Variants in LAMA2 observed in about 807,000 individuals in gnomAD.
The protein encoded by LAMA2 is laminin subunit alpha 2.
In LAMA2, 269 loss-of-function variants were observed where a neutral mutation model predicts 364.8. That is an observed-to-expected ratio of 0.74 (90% CI 0.67 to 0.82). The LOEUF is 0.82. Among genes scored for constraint, LAMA2 ranks in the 40% least tolerant of loss-of-function variants. The pLI, the probability that LAMA2 is intolerant of heterozygous loss-of-function variation, is 0.00. For missense variants in LAMA2, 3,807 were observed against 3,873.2 expected, an observed-to-expected ratio of 0.98 and a Z score of 0.45; for synonymous variants, 1,379 against 1,370.6, an observed-to-expected ratio of 1.01 and a Z score of -0.14.
chr6:129,083,548 A>G (rs1015438094), intron 3 of LAMA2, among the ~76,000 whole-genome samples: 4 of 152,258 alleles, frequency 2.6e-5, no homozygotes, highest in Admixed American at 2.6e-4. Context: ...CAAACAAACA[A>G]AAAACAACAC....
intron 55 of LAMA2, among the ~76,000 whole-genome samples, chr6:129,483,267 C>T (rs1425358670): frequency 2.0e-5 from 3 of 150,528 alleles, no homozygotes; most frequent in African/African-American, 7.3e-5. Flanking sequence ...AAAAAAAAGA[C>T]ATTATAAACA....
chr6:129,442,489 T>C (rs1000817433), intron 43 of LAMA2, among the ~76,000 whole-genome samples: 26 of 152,246 alleles, frequency 1.7e-4, no homozygotes, highest in African/African-American at 5.8e-4. Context: ...CAAATATTAC[T>C]ATCTCTGCTG....
At chr6:128,971,817 A>G (rs1782205809) in intron 1 of LAMA2, among the ~76,000 whole-genome samples, 1 of 152,190 alleles carries the variant, frequency 6.6e-6, no homozygotes, top group Admixed American at 6.5e-5. Context: ...TTTACCCCTC[A>G]TATCTGTCAG....
chr6:129,452,732 C>T (rs1388875922), intron 45 of LAMA2, among the ~76,000 whole-genome samples: 1 of 152,104 alleles, frequency 6.6e-6, no homozygotes, highest in Non-Finnish European at 1.5e-5. Flanking sequence ...TTGTTAGTTG[C>T]ATGCTTCAAA....
intron 1 of LAMA2, among the ~76,000 whole-genome samples, chr6:128,990,884 T>C (rs1783567692): frequency 6.6e-6 from 1 of 152,134 alleles, no homozygotes; most frequent in Non-Finnish European, 1.5e-5. Flanking sequence ...AGAGGATATT[T>C]TAATCAGCAC....
chr6:128,938,322 C>G (rs1457765811), intron 1 of LAMA2, among the ~76,000 whole-genome samples: 1 of 152,096 alleles, frequency 6.6e-6, no homozygotes, highest in Admixed American at 6.6e-5. Context: ...TCACAGCATA[C>G]AGTATTTATT....
chr6:129,149,091 G>T lies in LAMA2; in HGVS notation c.1022G>T (p.Cys341Phe), dbSNP rs754920448. The T allele has an allele frequency of 1.1e-5, 18 of 1,569,942 alleles. No individual in the cohort carries two copies. Among genetic ancestry groups the T allele is most frequent in the Non-Finnish European group, 1.5e-5 (17 of 1,140,024 alleles). ...GGAACTTTTCTAACTAAAACTGAAT[G>T]TGAAGGTATGTTCTTTAGAAGCCAA... is the stretch of plus-strand genomic sequence containing the variant. Reference protein sequence around the residue: ...RAGTFLTKTECEACNCHGKAE... With the variant: ...RAGTFLTKTEFEACNCHGKAE... The change falls in exon 7 of 65, where the codon TGT becomes TTT. Residue 341 changes from cysteine (C) to phenylalanine (F), a missense_variant. By Grantham distance (205) the Cys-to-Phe change is radical. Around this residue, in one of 3 missense-constraint regions of LAMA2, gnomAD observed 80 missense variants for 124.0 expected, o/e 0.65. Transcript: ENST00000421865.
chr6:129,155,818 T>G (rs1779078995), intron 8 of LAMA2, among the ~76,000 whole-genome samples: 2 of 151,628 alleles, frequency 1.3e-5, no homozygotes, highest in South Asian at 4.2e-4. Context: ...AACTTTATTT[T>G]TTATTTTCAA....
chr6:129,473,420 T>C (rs1783913676), intron 52 of LAMA2, 68 bp downstream of exon 52: 1 of 1,460,542 alleles, frequency 6.8e-7, no homozygotes, highest in African/African-American at 1.4e-5. Flanking sequence ...TCACTAGAGT[T>C]CTGAAGTTTA....
chr6:129,388,857 A>G (rs2114666906), intron 35 of LAMA2, among the ~76,000 whole-genome samples: 1 of 152,296 alleles, frequency 6.6e-6, no homozygotes, highest in Non-Finnish European at 1.5e-5. Context: ...GATAGCATGC[A>G]CTCAGACTAA....
rs558591363 is a variant in LAMA2 at position 129,081,653 on chromosome 6, G to A, written c.397-16520G>A. On this transcript the variant is annotated intron_variant, in intron 3 of 64. Transcript: ENST00000421865. ...CATTTTGTCAAAATCATTTCCAGAA[G>A]TTTAAGTCCTTTTTTCTTCATTTTT... 3.6e-4 allele frequency among the ~76,000 whole-genome samples: 55 copies of A among 152,220 alleles called. 1 individual carries two copies. The South Asian group carries it at 0.011, about 31-fold the overall frequency.
At chr6:128,961,921 ACTCTAGC>A (rs768965761) in intron 1 of LAMA2, among the ~76,000 whole-genome samples, 1 of 151,308 alleles carries the variant, frequency 6.6e-6, no homozygotes, top group Non-Finnish European at 1.5e-5. Context: ...CTCAACACTT[ACTCTAGC>A]CTTGTAAATT....
intron 1 of LAMA2, among the ~76,000 whole-genome samples, chr6:128,951,056 T>C (rs1447455096): frequency 3.3e-5 from 5 of 152,092 alleles, no homozygotes; most frequent in Non-Finnish European, 7.4e-5. Context: ...TCACATAATA[T>C]TTGAGAGTCA....
At chr6:129,486,717 T>C in intron 56 of LAMA2, 95 bp downstream of exon 56, 1 of 1,168,564 alleles carries the variant, frequency 8.6e-7, no homozygotes, top group Non-Finnish European at 1.3e-6. Context: ...CCTCTGTGTG[T>C]GTGGACCTAC....
chr6:129,278,515 T>TA (rs1788482785), intron 17 of LAMA2, among the ~76,000 whole-genome samples: 1 of 152,182 alleles, frequency 6.6e-6, no homozygotes, highest in Non-Finnish European at 1.5e-5. Flanking sequence ...CCTTTTTTTT[T>TA]ATTTTATTTT....
chr6:128,988,143 G>C (rs998851319), intron 1 of LAMA2, among the ~76,000 whole-genome samples: 1 of 152,170 alleles, frequency 6.6e-6, no homozygotes, highest in Non-Finnish European at 1.5e-5. Context: ...TGGGATTATA[G>C]GCATGAACCA....
intron 1 of LAMA2, among the ~76,000 whole-genome samples, chr6:128,978,718 G>T (rs969879021): frequency 6.6e-6 from 1 of 152,164 alleles, no homozygotes; most frequent in African/African-American, 2.4e-5. Flanking sequence ...CTTGAGAAAA[G>T]ATAAGAAACA....
Position 129,297,707 on chromosome 6 carries a change from C to T in LAMA2, c.2879C>T (p.Ser960Leu), listed in dbSNP as rs1773276850. 6.2e-7 allele frequency: 1 copy of T among 1,613,958 alleles called. No homozygotes were observed. The highest frequency in any genetic ancestry group is 8.5e-7 in the Non-Finnish European group (1 of 1,179,968). Reference protein sequence around the residue: ...KCKAGTFGLQSARGCVPCNCN... With the variant: ...KCKAGTFGLQLARGCVPCNCN... ...CAGGCTGGGACCTTTGGCCTACAAT[C>T]AGCAAGGGGCTGTGTTCCCTGCAAC... Residue 960 changes from serine to leucine, a missense_variant, in exon 21 of 65, where the codon TCA becomes TTA. By Grantham distance (145) the Ser-to-Leu change is moderately radical. Around this residue, in one of 3 missense-constraint regions of LAMA2, gnomAD observed 3,333 missense variants for 3,345.7 expected, o/e 1.00. Transcript: ENST00000421865.
At chr6:129,106,233 A>C (rs1775815373) in intron 4 of LAMA2, among the ~76,000 whole-genome samples, 1 of 151,938 alleles carries the variant, frequency 6.6e-6, no homozygotes, top group Non-Finnish European at 1.5e-5. Context: ...ATATATACAG[A>C]CAGAATATTT....
Sources: gnomAD v4.1 joint callset for allele counts (sites outside exome capture counted in the v4.1 genomes callset) on GRCh38, gnomAD v4.1.1 for gene constraint, gnomAD v4.1.1 regional missense constraint, MANE v1.5 for transcripts, NCBI Gene and HGNC (gene_info 2026-07-23, HGNC 2026-07-21) for gene names.